The following KIAA1958 variants were observed in gnomAD, a reference collection of about 807,000 sequenced individuals.
KIAA1958 encodes uncharacterized protein KIAA1958.
A neutral mutation model predicts 47.2 loss-of-function variants in KIAA1958; 14 were observed. The ratio of observed to expected loss-of-function variants is 0.30; its 90% CI spans 0.20 to 0.46. KIAA1958 has a LOEUF of 0.46. Ranked by LOEUF, KIAA1958 falls within the 20% of genes least tolerant of loss-of-function variation. The pLI, the probability that KIAA1958 is intolerant of heterozygous loss-of-function variation, is 1.00. For synonymous variants in KIAA1958, 354 were observed against 353.3 expected, an observed-to-expected ratio of 1.00 and a Z score of -0.02; for missense variants, 803 against 909.2, an observed-to-expected ratio of 0.88 and a Z score of 1.50.
chr9:112,590,935 T>C (rs1012213616), intron 2 of KIAA1958, among the ~76,000 whole-genome samples: 1 of 152,158 alleles, frequency 6.6e-6, no homozygotes, highest in Non-Finnish European at 1.5e-5. Context: ...TCTAGGAGCC[T>C]TTGGGCTTTG....
intron 1 of KIAA1958, among the ~76,000 whole-genome samples, chr9:112,495,933 G>C (rs1441601369): frequency 6.6e-6 from 1 of 152,168 alleles, no homozygotes; most frequent in East Asian, 1.9e-4. Context: ...GAGTAGGAGA[G>C]GTTACTTGGA....
At chr9:112,530,902 AAT>A (rs1395612489) in intron 1 of KIAA1958, among the ~76,000 whole-genome samples, 1 of 152,184 alleles carries the variant, frequency 6.6e-6, no homozygotes, top group Non-Finnish European at 1.5e-5. Flanking sequence ...TAGAATTCTT[AAT>A]ATGTTTGTCT....
intron 1 of KIAA1958, among the ~76,000 whole-genome samples, chr9:112,557,440 G>A (rs371516574): frequency 7.2e-5 from 11 of 152,192 alleles, no homozygotes; most frequent in Admixed American, 2.6e-4. Context: ...TTTGTGTAAT[G>A]ATCTCTCAAA....
At chr9:112,531,710 G>A (rs1294053041) in intron 1 of KIAA1958, among the ~76,000 whole-genome samples, 1 of 152,128 alleles carries the variant, frequency 6.6e-6, no homozygotes, top group African/African-American at 2.4e-5. Flanking sequence ...CTAGTGAACC[G>A]GTTCCTATTT....
At chr9:112,615,877 C>T (rs115021929) in intron 2 of KIAA1958, among the ~76,000 whole-genome samples, 2 of 152,214 alleles carry the variant, frequency 1.3e-5, no homozygotes, top group East Asian at 1.9e-4. Flanking sequence ...ATGTACAACT[C>T]AGTTTACATC....
intron 2 of KIAA1958, among the ~76,000 whole-genome samples, chr9:112,578,621 G>T (rs907238593): frequency 2.0e-5 from 3 of 152,022 alleles, no homozygotes; most frequent in African/African-American, 4.8e-5. Context: ...CCCTACTTCT[G>T]TTCAGAGCTG....
intron 2 of KIAA1958, among the ~76,000 whole-genome samples, chr9:112,612,202 G>A (rs1403351387): frequency 1.3e-5 from 2 of 151,938 alleles, no homozygotes; most frequent in African/African-American, 4.8e-5. Context: ...GAGTGCAGGG[G>A]TTTGAGACCA....
At chr9:112,518,017 A>G (rs1388832842) in intron 1 of KIAA1958, among the ~76,000 whole-genome samples, 2 of 152,238 alleles carry the variant, frequency 1.3e-5, no homozygotes, top group Non-Finnish European at 2.9e-5. Context: ...TCAAAAAGTT[A>G]AAAACATACA....
chr9:112,639,437 C>T (rs1836858983), intron 2 of KIAA1958, among the ~76,000 whole-genome samples: 1 of 152,138 alleles, frequency 6.6e-6, no homozygotes. Flanking sequence ...AGGACACCCT[C>T]CTACATGGAA....
In KIAA1958 at chr9:112,568,494, A is replaced by G. The variant is rs572979902; in HGVS notation, c.-24-5563A>G. On this transcript the variant is annotated intron_variant, in intron 1 of 3. Transcript: ENST00000337530. Reference sequence around the variant, plus strand: ...TTGGAGTCAAATTTGCAAAAAGTACATAAAATAAATTAGAACTCTGTAAGT... The same window carrying G: ...TTGGAGTCAAATTTGCAAAAAGTACGTAAAATAAATTAGAACTCTGTAAGT... 1.1e-4 allele frequency among the ~76,000 whole-genome samples: 17 copies of G among 152,320 alleles called. No individual in the cohort carries two copies. In the South Asian group the frequency reaches 3.3e-3, roughly 30 times the overall value.
intron 1 of KIAA1958, among the ~76,000 whole-genome samples, chr9:112,525,156 G>C (rs193072819): frequency 2.4e-4 from 37 of 152,304 alleles, no homozygotes; most frequent in African/African-American, 7.0e-4. Flanking sequence ...CTCCACAGGA[G>C]ATTATAACAC....
At chr9:112,518,215 C>T (rs1287193502) in intron 1 of KIAA1958, among the ~76,000 whole-genome samples, 1 of 151,566 alleles carries the variant, frequency 6.6e-6, no homozygotes, top group Non-Finnish European at 1.5e-5. Flanking sequence ...AAGTTGAAGG[C>T]TAATTAAAAA....
At chr9:112,494,061 T>G (rs2132757347) in intron 1 of KIAA1958, among the ~76,000 whole-genome samples, 1 of 152,346 alleles carries the variant, frequency 6.6e-6, no homozygotes, top group Admixed American at 6.5e-5. Context: ...TAGGCCTTAG[T>G]TTGCTGAGTC....
chr9:112,563,613 C>G (rs887216499), intron 1 of KIAA1958, among the ~76,000 whole-genome samples: 1 of 151,060 alleles, frequency 6.6e-6, no homozygotes, highest in East Asian at 2.0e-4. Flanking sequence ...TCTGGCAGTG[C>G]TTTGTGAATT....
intron 1 of KIAA1958, among the ~76,000 whole-genome samples, chr9:112,534,698 A>G (rs934523950): frequency 6.6e-6 from 1 of 151,948 alleles, no homozygotes; most frequent in Non-Finnish European, 1.5e-5. Flanking sequence ...ATCCACCACC[A>G]TGCCCAGGTA....
At chr9:112,550,392 T>A (rs934109785) in intron 1 of KIAA1958, among the ~76,000 whole-genome samples, 7 of 152,206 alleles carry the variant, frequency 4.6e-5, no homozygotes, top group African/African-American at 1.7e-4. Context: ...ATTCTGTTAC[T>A]GAAGGGGCAT....
intron 1 of KIAA1958, among the ~76,000 whole-genome samples, chr9:112,495,339 A>G (rs1208536969): frequency 6.6e-6 from 1 of 151,780 alleles, no homozygotes; most frequent in Non-Finnish European, 1.5e-5. Context: ...ACTTTTGGAG[A>G]AGGTTTCTGT....
In KIAA1958 at chr9:112,574,084, G is replaced by A; in HGVS notation, c.4G>A (p.Glu2Lys). M[E>K]DCLHTSSENL... ...GTGACACTGCTGATCCTGTAACATG[G>A]AGGATTGTCTTCATACCTCATCTGA... Residue 2 changes from glutamate to lysine, a missense_variant, in exon 2 of 4, where the codon GAG becomes AAG. Glu to Lys is a moderately conservative substitution (Grantham distance 56). Transcript: ENST00000337530. 1 of 1,571,044 alleles carries A rather than the reference G, an allele frequency of 6.4e-7. No homozygotes were observed. Among genetic ancestry groups the A allele is most frequent in the Non-Finnish European group, 8.7e-7 (1 of 1,153,816 alleles).
chr9:112,518,149 A>G (rs13295811), intron 1 of KIAA1958, among the ~76,000 whole-genome samples: 1 of 152,224 alleles, frequency 6.6e-6, no homozygotes, highest in Non-Finnish European at 1.5e-5. Flanking sequence ...GCCCAGGAAT[A>G]TAAGGCTGCA....
Sources: gnomAD v4.1 joint callset for allele counts (sites outside exome capture counted in the v4.1 genomes callset) on GRCh38, gnomAD v4.1.1 for gene constraint, MANE v1.5 for transcripts, NCBI Gene and HGNC (gene_info 2026-07-23, HGNC 2026-07-21) for gene names.